Variants in LIPA observed in about 807,000 individuals in gnomAD.
LIPA encodes the protein lipase A, lysosomal acid type.
In LIPA, 26 loss-of-function variants were observed where a neutral mutation model predicts 40.6. The ratio of observed to expected loss-of-function variants is 0.64; its 90% CI spans 0.47 to 0.89. The LOEUF (loss-of-function observed/expected upper bound fraction) is 0.89, where lower values mean the gene tolerates loss of function less well. LIPA is among the 40% of genes least tolerant of loss of function. The probability of loss-of-function intolerance (pLI) is 0.00; values close to 1 mark genes in which losing one functional copy is unlikely to be tolerated. For missense variants in LIPA, 455 were observed against 479.6 expected, an observed-to-expected ratio of 0.95 and a Z score of 0.48; for synonymous variants, 188 against 168.4, an observed-to-expected ratio of 1.12 and a Z score of -0.90.
chr10:89,390,666 T>C (rs1398175740), intron 2 of LIPA, among the ~76,000 whole-genome samples: 2 of 149,636 alleles, frequency 1.3e-5, no homozygotes, highest in African/African-American at 2.5e-5. Context: ...TTCTATCCTG[T>C]GTCCCTCATG....
intron 2 of LIPA, among the ~76,000 whole-genome samples, chr10:89,398,528 T>C (rs1844377552): frequency 6.6e-6 from 1 of 152,212 alleles, no homozygotes; most frequent in Non-Finnish European, 1.5e-5. Flanking sequence ...CCAGGGTCTG[T>C]GGGACAGACC....
Position 89,225,108 on chromosome 10 carries a change from G to A in LIPA, c.659C>T (p.Pro220Leu), listed in dbSNP as rs1192881616. ...TCCAAGTACCTTAATGAGATGATCT[G>A]GTAATCGTCCTAATTTGGCCATAGG... Reference protein sequence around the residue: ...TSPMAKLGRLPDHLIKDLFGD... With the variant: ...TSPMAKLGRLLDHLIKDLFGD... Residue 220 changes from proline to leucine, a missense_variant, in exon 6 of 10, where the codon CCA (proline) becomes CTA (leucine). Transcript: ENST00000336233. 4 of 1,614,014 alleles carry A rather than the reference G, an allele frequency of 2.5e-6. No individual in the cohort carries two copies. The highest frequency in any genetic ancestry group is 3.4e-6 in the Non-Finnish European group (4 of 1,180,032).
intron 3 of LIPA, among the ~76,000 whole-genome samples, chr10:89,242,747 G>A (rs1842977925): frequency 6.6e-6 from 1 of 152,202 alleles, no homozygotes; most frequent in Admixed American, 6.5e-5. Flanking sequence ...ATTTTTGTGT[G>A]TATTAAAAGC....
At chr10:89,307,934 A>C (rs1268686303) in intron 1 of LIPA, 1 of 153,518 alleles carries the variant, frequency 6.5e-6, no homozygotes, top group Non-Finnish European at 1.5e-5. Flanking sequence ...AGTATTCTAC[A>C]CAATGTGAAT....
chr10:89,262,879 T>C (rs986206512), intron 1 of LIPA, among the ~76,000 whole-genome samples: 1 of 152,264 alleles, frequency 6.6e-6, no homozygotes, highest in African/African-American at 2.4e-5. Flanking sequence ...CTAGGATTCC[T>C]CTCAGTTGAC....
intron 3 of LIPA, among the ~76,000 whole-genome samples, chr10:89,233,904 C>A (rs1395214694): frequency 6.6e-6 from 1 of 152,008 alleles, no homozygotes; most frequent in Non-Finnish European, 1.5e-5. Context: ...ATGGCAAAAA[C>A]CACAATTACT....
intron 1 of LIPA, among the ~76,000 whole-genome samples, chr10:89,287,029 G>A (rs1192580411): frequency 3.3e-5 from 5 of 152,190 alleles, no homozygotes; most frequent in African/African-American, 4.8e-5. Flanking sequence ...TTCCTCCTAA[G>A]CTGTGTCCCA....
chr10:89,226,114 G>A (rs1469365960), intron 5 of LIPA, among the ~76,000 whole-genome samples: 1 of 152,178 alleles, frequency 6.6e-6, no homozygotes, highest in East Asian at 1.9e-4. Flanking sequence ...TTAGGAAGCA[G>A]TGGGGCAAAG....
chr10:89,367,506 A>G (rs565304398), intron 2 of LIPA, among the ~76,000 whole-genome samples: 1 of 152,368 alleles, frequency 6.6e-6, no homozygotes, highest in Middle Eastern at 3.4e-3. Flanking sequence ...TATAGAAACC[A>G]AAGGACATAT....
At chr10:89,349,043 T>C (rs2133585226) in intron 2 of LIPA, among the ~76,000 whole-genome samples, 1 of 152,292 alleles carries the variant, frequency 6.6e-6, no homozygotes, top group East Asian at 1.9e-4. Flanking sequence ...GACTTCAAAA[T>C]GAAGGCACTT....
chr10:89,361,041 A>G (rs1228772003), intron 2 of LIPA, among the ~76,000 whole-genome samples: 2 of 152,164 alleles, frequency 1.3e-5, no homozygotes, highest in African/African-American at 2.4e-5. Flanking sequence ...TGAGGACATC[A>G]GTCACATTGG....
chr10:89,227,525 G>A (rs1218797121), intron 4 of LIPA, among the ~76,000 whole-genome samples: 1 of 152,216 alleles, frequency 6.6e-6, no homozygotes, highest in Non-Finnish European at 1.5e-5. Context: ...TGGGAAGCAA[G>A]CCCGGAGGCT....
At chr10:89,403,278 A>G (rs967718831) in intron 2 of LIPA, 1 of 1,614,092 alleles carries the variant, frequency 6.2e-7, no homozygotes, top group African/African-American at 1.3e-5. Flanking sequence ...TGCAGTGGAA[A>G]AAAAGCCCAC....
intron 3 of LIPA, among the ~76,000 whole-genome samples, chr10:89,234,945 G>A (rs1389323260): frequency 2.0e-5 from 3 of 152,346 alleles, no homozygotes; most frequent in South Asian, 2.1e-4. Context: ...AAGGCTGAAC[G>A]AGAGCTAGGA....
intron 1 of LIPA, among the ~76,000 whole-genome samples, chr10:89,269,018 A>T (rs1425279361): frequency 6.8e-6 from 1 of 147,212 alleles, no homozygotes; most frequent in Non-Finnish European, 1.5e-5. Context: ...ACTTTAAATG[A>T]TTTACTTTAT....
intron 1 of LIPA, among the ~76,000 whole-genome samples, chr10:89,248,534 G>A (rs1228041198): frequency 1.3e-5 from 2 of 149,432 alleles, no homozygotes; most frequent in African/African-American, 5.0e-5. Context: ...GAGTGCAGTG[G>A]CGCAATCTTG....
At chr10:89,377,935 C>G in intron 2 of LIPA, 1 of 543,708 alleles carries the variant, frequency 1.8e-6, no homozygotes, top group South Asian at 2.8e-5. Context: ...GTAATCAAAG[C>G]AGAGACAGCC....
chr10:89,394,577 A>ATAT (rs1844306175), intron 2 of LIPA, among the ~76,000 whole-genome samples: 1 of 108,752 alleles, frequency 9.2e-6, no homozygotes, highest in Non-Finnish European at 1.8e-5. Context: ...ACTACAGGAA[A>ATAT]ATATATATAT....
At chr10:89,353,272 G>A (rs530289809) in intron 2 of LIPA, among the ~76,000 whole-genome samples, 1 of 152,318 alleles carries the variant, frequency 6.6e-6, no homozygotes, top group East Asian at 1.9e-4. Context: ...TCAAGCATGT[G>A]CACTAAGAGG....
Sources: gnomAD v4.1 joint callset for allele counts (sites outside exome capture counted in the v4.1 genomes callset) on GRCh38, gnomAD v4.1.1 for gene constraint, MANE v1.5 for transcripts, NCBI Gene and HGNC (gene_info 2026-07-23, HGNC 2026-07-21) for gene names.